KIAA0319L: variants seen among roughly 807,000 people sequenced by gnomAD.
The protein encoded by KIAA0319L is KIAA0319 like, also known as dyslexia-associated protein KIAA0319-like protein.
In KIAA0319L, 55 loss-of-function variants were observed where a neutral mutation model predicts 120.1. The observed-to-expected ratio is 0.46, with a 90% CI of 0.37 to 0.57. The LOEUF (loss-of-function observed/expected upper bound fraction) is 0.57. Ranked by LOEUF, KIAA0319L falls within the 20% of genes least tolerant of loss-of-function variation. The pLI is 0.00. For synonymous variants in KIAA0319L, 398 were observed against 471.9 expected (o/e 0.84, Z 2.03); for missense variants, 1,049 against 1,255.3 (o/e 0.84, Z 2.48).
intron 4 of KIAA0319L, 55 bp downstream of exon 4, chr1:35,478,911 A>G: frequency 6.3e-7 from 1 of 1,580,566 alleles, no homozygotes; most frequent in Non-Finnish European, 8.6e-7. Flanking sequence ...AAAAGGGAAT[A>G]CTTTGATCAA....
intron 2 of KIAA0319L, among the ~76,000 whole-genome samples, chr1:35,513,290 T>TATATATA (rs1558545634): frequency 1.6e-4 from 12 of 73,202 alleles, no homozygotes; most frequent in African/African-American, 5.7e-4. Context: ...ATATATATAT[T>TATATATA]TTTTTTTTTT....
rs551358599 is a variant in KIAA0319L at position 35,455,573 on chromosome 1, ATTTTTTTT to A, written c.1656+432_1656+439del. Reference sequence around the variant, plus strand: ...CCTCTAATACTAAACATTTAAGATAATTTTTTTTTTTTTTTTTTTTTTTTTGAGATGGA... The same window carrying A: ...CCTCTAATACTAAACATTTAAGATAATTTTTTTTTTTTTTTTTGAGATGGA... On this transcript the variant is annotated intron_variant, in intron 10 of 20. Coordinates refer to ENST00000325722, the MANE Select transcript of KIAA0319L (RefSeq NM_024874.5). Among the ~76,000 whole-genome samples the A allele has an allele frequency of 5.5e-3, 517 of 93,478 alleles. 5 individuals are homozygous for A. The highest frequency in any genetic ancestry group is 0.016 in the South Asian group (47 of 2,934). 61.3% of individuals were successfully genotyped at this position (93,478 alleles called of 152,430 possible).
intron 5 of KIAA0319L, 27 bp downstream of exon 5, chr1:35,474,778 G>T: frequency 2.2e-6 from 3 of 1,391,454 alleles, no homozygotes; most frequent in Non-Finnish European, 3.1e-6. Flanking sequence ...ACAAAAAACG[G>T]TTATCCAAAT....
chr1:35,505,682 T>C (rs1265916650), intron 3 of KIAA0319L, among the ~76,000 whole-genome samples: 1 of 152,198 alleles, frequency 6.6e-6, no homozygotes, highest in African/African-American at 2.4e-5. Flanking sequence ...GATTGTTCTC[T>C]AATACTGCAC....
rs1640647751 is a variant in KIAA0319L, at chr1:35,434,670, TG to T, written c.*223del. ...AAGGAGGCCCTGAGGTGAGGATATC[TG>T]GGGGCCCACCAGACAGGTTTAAAGA... is the stretch of plus-strand genomic sequence containing the variant. On this transcript the variant is annotated 3_prime_UTR_variant, in exon 21 of 21. Coordinates refer to ENST00000325722, the MANE Select transcript of KIAA0319L (RefSeq NM_024874.5). 2 of 521,056 alleles carry T rather than the reference TG, an allele frequency of 3.8e-6. No individual in the cohort carries two copies. The highest frequency in any genetic ancestry group is 6.8e-6 in the Non-Finnish European group (2 of 296,282). The allele number at this position is 521,056 out of a possible 1,614,324, so 32.3% of individuals were successfully genotyped here.
chr1:35,542,617 C>A (rs901442483), intron 2 of KIAA0319L, among the ~76,000 whole-genome samples: 1 of 152,180 alleles, frequency 6.6e-6, no homozygotes, highest in African/African-American at 2.4e-5. Flanking sequence ...CCCTTCACTA[C>A]TGTTCATCTG....
intron 3 of KIAA0319L, among the ~76,000 whole-genome samples, chr1:35,489,496 TG>T (rs1388750654): frequency 1.3e-5 from 2 of 152,016 alleles, no homozygotes; most frequent in Non-Finnish European, 2.9e-5. Context: ...CTTTCTGAGT[TG>T]AAGAGCTGAA....
chr1:35,504,807 A>T (rs1187311444), intron 3 of KIAA0319L, among the ~76,000 whole-genome samples: 1 of 152,204 alleles, frequency 6.6e-6, no homozygotes, highest in African/African-American at 2.4e-5. Flanking sequence ...ACTGATCTTC[A>T]GATAAAAACC....
At position 35,522,382 on chromosome 1, in the gene KIAA0319L, T is replaced by A. The variant is rs986216799; in HGVS notation, c.143-15247A>T. On this transcript the variant is annotated intron_variant, in intron 2 of 20. Transcript: ENST00000325722. ...GCAACCTCCGCCTCCCAGGTTCAAG[T>A]GATTCTCCTGCCTCAGCCTCTTGAG... 6.6e-5 allele frequency among the ~76,000 whole-genome samples: 10 copies of A among 151,372 alleles called. No individual in the cohort carries two copies. The Admixed American group carries it at 6.6e-4, about 10-fold the overall frequency.
chr1:35,516,035 G>C (rs1645665164), intron 2 of KIAA0319L, among the ~76,000 whole-genome samples: 1 of 152,070 alleles, frequency 6.6e-6, no homozygotes. Context: ...CCAATAATGA[G>C]CTCTAAAACT....
chr1:35,520,640 G>C (rs1027181320), intron 2 of KIAA0319L, among the ~76,000 whole-genome samples: 3 of 152,002 alleles, frequency 2.0e-5, no homozygotes, highest in Non-Finnish European at 4.4e-5. Flanking sequence ...CCCTTTAATG[G>C]TTCTGCTGCC....
intron 2 of KIAA0319L, among the ~76,000 whole-genome samples, chr1:35,513,284 A>AT (rs1488611278): frequency 3.9e-4 from 40 of 103,198 alleles, no homozygotes; most frequent in African/African-American, 1.4e-3. Flanking sequence ...ATATATATAT[A>AT]TATATTTTTT....
rs77528763 is a variant in KIAA0319L at position 35,541,133 on chromosome 1, G to C, written c.142+13217C>G. 6.9e-3 allele frequency among the ~76,000 whole-genome samples: 1,052 copies of C among 151,700 alleles called. 8 individuals are homozygous for C. The highest frequency in any genetic ancestry group is 0.011 in the Non-Finnish European group (770 of 67,928). On this transcript the variant is annotated intron_variant, in intron 2 of 20. Coordinates refer to ENST00000325722, the MANE Select transcript of KIAA0319L (RefSeq NM_024874.5). The stretch of plus-strand genomic sequence containing the variant: ...ACTTTTTATTATTTTTTTGTTACAG[G>C]GTCTCACTATGTTGTCCAGACTGGT...
chr1:35,553,585 G>A (rs1016120366), intron 2 of KIAA0319L, among the ~76,000 whole-genome samples: 2 of 152,242 alleles, frequency 1.3e-5, no homozygotes, highest in African/African-American at 4.8e-5. Flanking sequence ...AGTTATCCCA[G>A]ATGGTGGTCT....
At chr1:35,543,729 C>CA (rs900304522) in intron 2 of KIAA0319L, among the ~76,000 whole-genome samples, 21 of 151,944 alleles carry the variant, frequency 1.4e-4, no homozygotes, top group Admixed American at 1.1e-3. Context: ...ACAACAACAA[C>CA]AAAAAAAGGC....
At chr1:35,438,238 G>A (rs1235918906) in intron 20 of KIAA0319L, among the ~76,000 whole-genome samples, 2 of 152,000 alleles carry the variant, frequency 1.3e-5, no homozygotes, top group Non-Finnish European at 2.9e-5. Context: ...TAACTGTCTT[G>A]CACCAAACAC....
rs1014875523 is a variant in KIAA0319L at position 35,433,744 on chromosome 1, C to G, written c.*1150G>C. On this transcript the variant is annotated 3_prime_UTR_variant, in exon 21 of 21. Transcript: ENST00000325722. The stretch of plus-strand genomic sequence containing the variant: ...GTTGATGCATACGCGCTCACTCTAA[C>G]ACGCACACATGCAAGGGACACAGAA... The G allele has an allele frequency of 2.6e-5, 4 of 152,440 alleles. No homozygotes were observed. The highest frequency in any genetic ancestry group is 2.6e-4 in the Admixed American group (4 of 15,280). The allele number at this position is 152,440 out of a possible 1,614,324, so 9.4% of individuals were successfully genotyped here. A position where few individuals can be genotyped will look rare whatever the true frequency, so the allele number is the denominator to read the frequency against.
intron 2 of KIAA0319L, among the ~76,000 whole-genome samples, chr1:35,534,299 G>A (rs189119830): frequency 2.0e-5 from 3 of 152,210 alleles, no homozygotes; most frequent in Non-Finnish European, 2.9e-5. Context: ...TCCCTTCACC[G>A]TGGTATTTCC....
chr1:35,497,928 T>C (rs1208357908), intron 3 of KIAA0319L, among the ~76,000 whole-genome samples: 1 of 152,228 alleles, frequency 6.6e-6, no homozygotes, highest in African/African-American at 2.4e-5. Flanking sequence ...TTTTCATTTA[T>C]TAAAATAATT....
Sources: gnomAD v4.1 joint callset for allele counts (sites outside exome capture counted in the v4.1 genomes callset) on GRCh38, gnomAD v4.1.1 for gene constraint, MANE v1.5 for transcripts, NCBI Gene and HGNC (gene_info 2026-07-23, HGNC 2026-07-21) for gene names.